The following EDDM13 variants were observed in gnomAD, a reference collection of about 807,000 sequenced individuals.
EDDM13 encodes epididymal protein 13.
Under a neutral mutation model 17.8 loss-of-function variants are expected in EDDM13, and 24 were observed. The ratio of observed to expected loss-of-function variants is 1.35; its 90% CI spans 0.98 to 1.90. EDDM13 has a LOEUF of 1.90. Ranked by LOEUF, EDDM13 falls within the 40% of genes most tolerant of loss-of-function variation. The probability of loss-of-function intolerance (pLI) is 0.00; values close to 1 mark genes in which losing one functional copy is unlikely to be tolerated. For missense variants in EDDM13, 97 were observed against 100.8 expected, an observed-to-expected ratio of 0.96 and a Z score of 0.16; for synonymous variants, 31 against 37.5, an observed-to-expected ratio of 0.83 and a Z score of 0.63.
Position 56,272,980 on chromosome 19 carries a change from T to C in EDDM13, c.85+61T>C, listed in dbSNP as rs114495371. ...ATTTTCTTACAACTTGGGAGGCTCT[T>C]GTGGGCTGGATTCAGAGAGAAGCTC... On this transcript the variant is annotated intron_variant, in intron 1 of 14. Transcript: ENST00000649256. The C allele has an allele frequency of 1.3e-3, 970 of 741,522 alleles. 10 individuals carry two copies. The African/African-American group carries it at 0.017, about 13-fold the overall frequency. 45.9% of individuals were successfully genotyped at this position (741,522 alleles called of 1,614,324 possible). A position where few individuals can be genotyped will look rare whatever the true frequency, so the allele number is the denominator to read the frequency against.
rs1391571643 is a variant in EDDM13 at position 56,294,215 on chromosome 19, G to C, written c.233-1744G>C. On this transcript the variant is annotated intron_variant, in intron 9 of 14. Coordinates refer to ENST00000649256, the MANE Select transcript of EDDM13 (RefSeq NM_001354658.2). Reference sequence around the variant, plus strand: ...CCCAGCAGGAAAATCCCAAACACCTGCCTAAGGGCCCACCAGGTGCCAAGC... The same window carrying C: ...CCCAGCAGGAAAATCCCAAACACCTCCCTAAGGGCCCACCAGGTGCCAAGC... 2.6e-5 allele frequency among the ~76,000 whole-genome samples: 4 copies of C among 152,176 alleles called. No individual in the cohort carries two copies. The East Asian group carries it at 7.7e-4, about 29-fold the overall frequency.
chr19:56,288,323 C>T (rs1032761054), intron 6 of EDDM13, among the ~76,000 whole-genome samples, 62 bp from the exon 7 acceptor site: 4 of 152,176 alleles, frequency 2.6e-5, no homozygotes, highest in Admixed American at 2.6e-4. Context: ...CCTCTGTCTG[C>T]GACACTTTCC....
intron 8 of EDDM13, among the ~76,000 whole-genome samples, chr19:56,289,396 A>G (rs1431828984): frequency 6.6e-6 from 1 of 152,114 alleles, no homozygotes; most frequent in Admixed American, 6.6e-5. Flanking sequence ...TACAGAGGGG[A>G]GGGGAAATTT....
chr19:56,279,382 T>C (rs534232210), intron 2 of EDDM13, among the ~76,000 whole-genome samples: 2 of 152,330 alleles, frequency 1.3e-5, no homozygotes, highest in East Asian at 1.9e-4. Flanking sequence ...GCAAAATTCC[T>C]AGCGCTCAGT....
chr19:56,291,557 C>T (rs2039511530), intron 9 of EDDM13, among the ~76,000 whole-genome samples: 1 of 152,118 alleles, frequency 6.6e-6, no homozygotes, highest in African/African-American at 2.4e-5. Flanking sequence ...CCTCTCCTTC[C>T]TTCCTTCCTC....
At chr19:56,275,844 T>C (rs2038206138) in intron 1 of EDDM13, among the ~76,000 whole-genome samples, 1 of 152,222 alleles carries the variant, frequency 6.6e-6, no homozygotes, top group Admixed American at 6.5e-5. Context: ...CATGGGCCAA[T>C]GCCCAGAGCA....
chr19:56,289,393 G>A (rs1267168240), intron 8 of EDDM13, among the ~76,000 whole-genome samples: 1 of 152,160 alleles, frequency 6.6e-6, no homozygotes, highest in East Asian at 1.9e-4. Context: ...CTTTACAGAG[G>A]GGAGGGGAAA....
chr19:56,300,947 C>G (rs1468471811), intron 12 of EDDM13, among the ~76,000 whole-genome samples: 1 of 152,098 alleles, frequency 6.6e-6, no homozygotes, highest in Non-Finnish European at 1.5e-5. Flanking sequence ...CTAGAAAGAT[C>G]CTGCTGGCAC....
chr19:56,291,500 T>G (rs2039507408), intron 9 of EDDM13, among the ~76,000 whole-genome samples: 3 of 152,152 alleles, frequency 2.0e-5, no homozygotes, highest in Non-Finnish European at 4.4e-5. Flanking sequence ...AACCACAGGG[T>G]GGGAGGAGCT....
chr19:56,284,549 C>G (rs868600378), intron 5 of EDDM13, among the ~76,000 whole-genome samples: 1 of 129,096 alleles, frequency 7.7e-6, no homozygotes, highest in Admixed American at 9.7e-5. Flanking sequence ...CAGTCTTGCT[C>G]TGTCACTCAG....
At chr19:56,284,841 G>A (rs568173299) in intron 5 of EDDM13, among the ~76,000 whole-genome samples, 157 bp from the exon 6 acceptor site, 1 of 152,224 alleles carries the variant, frequency 6.6e-6, no homozygotes, top group South Asian at 2.1e-4. Context: ...GTAGGAAAGG[G>A]GATTAAGTGG....
intron 2 of EDDM13, among the ~76,000 whole-genome samples, chr19:56,281,075 T>C (rs118090565): frequency 6.6e-6 from 1 of 152,240 alleles, no homozygotes; most frequent in Non-Finnish European, 1.5e-5. Context: ...ATATTTTGTA[T>C]GTTACATATA....
At chr19:56,288,267 G>A (rs962226690) in intron 6 of EDDM13, among the ~76,000 whole-genome samples, 118 bp from the exon 7 acceptor site, 13 of 152,064 alleles carry the variant, frequency 8.5e-5, no homozygotes, top group African/African-American at 1.7e-4. Context: ...TCAAGCCCCC[G>A]GCAGCTGCAG....
intron 14 of EDDM13, among the ~76,000 whole-genome samples, chr19:56,309,255 C>G (rs1254883431): frequency 6.6e-6 from 1 of 152,122 alleles, no homozygotes; most frequent in Non-Finnish European, 1.5e-5. Flanking sequence ...CTGGCAAATT[C>G]AAAGAGACAG....
intron 13 of EDDM13, chr19:56,302,761 T>C (rs1298103181): frequency 3.0e-6 from 1 of 334,866 alleles, no homozygotes; most frequent in Non-Finnish European, 5.4e-6. Context: ...CCTTCTGCAC[T>C]AACACAGCCC....
intron 3 of EDDM13, among the ~76,000 whole-genome samples, chr19:56,282,181 C>T (rs1204462563): frequency 6.6e-6 from 1 of 152,100 alleles, no homozygotes; most frequent in Non-Finnish European, 1.5e-5. Flanking sequence ...GGAGATGACA[C>T]TTGGTTATTA....
At chr19:56,295,656 C>T (rs2039823567) in intron 9 of EDDM13, among the ~76,000 whole-genome samples, 1 of 152,118 alleles carries the variant, frequency 6.6e-6, no homozygotes, top group Non-Finnish European at 1.5e-5. Flanking sequence ...GTGGCGGCTT[C>T]CTTCCCAGCC....
intron 14 of EDDM13, among the ~76,000 whole-genome samples, chr19:56,307,296 G>A (rs887379850): frequency 1.1e-4 from 16 of 152,040 alleles, no homozygotes; most frequent in Admixed American, 9.2e-4. Context: ...TCGATCATAC[G>A]ATATACCCCC....
chr19:56,275,398 A>G (rs575799387), intron 1 of EDDM13, among the ~76,000 whole-genome samples: 1 of 152,184 alleles, frequency 6.6e-6, no homozygotes, highest in South Asian at 2.1e-4. Flanking sequence ...TTATTTATTC[A>G]AGTACTGTAT....
Sources: gnomAD v4.1 joint callset for allele counts (sites outside exome capture counted in the v4.1 genomes callset) on GRCh38, gnomAD v4.1.1 for gene constraint, MANE v1.5 for transcripts, NCBI Gene and HGNC (gene_info 2026-07-23, HGNC 2026-07-21) for gene names.